DOK7: variants seen among roughly 807,000 people sequenced by gnomAD.
DOK7 encodes the protein protein Dok-7.
In DOK7, 32 loss-of-function variants were observed where a neutral mutation model predicts 30.7. The ratio of observed to expected loss-of-function variants is 1.04; its 90% CI spans 0.79 to 1.40. The LOEUF is 1.40. Ranked by LOEUF, DOK7 falls within the 40% of genes most tolerant of loss-of-function variation. The probability of loss-of-function intolerance (pLI) is 0.00; values close to 1 mark genes in which losing one functional copy is unlikely to be tolerated. For synonymous variants in DOK7, 447 were observed against 324.1 expected, an observed-to-expected ratio of 1.38 and a Z score of -4.07; for missense variants, 1,007 against 699.2, an observed-to-expected ratio of 1.44 and a Z score of -4.97.
downstream of DOK7, among the ~76,000 whole-genome samples, chr4:3,495,307 C>G (rs531806668): frequency 6.6e-6 from 1 of 150,490 alleles, no homozygotes; most frequent in African/African-American, 2.5e-5. Flanking sequence ...TGCTGGGGAG[C>G]CAGGCCCTTC....
intron 3 of DOK7, among the ~76,000 whole-genome samples, chr4:3,474,642 C>T (rs1726960336): frequency 2.0e-5 from 3 of 152,234 alleles, no homozygotes; most frequent in East Asian, 1.9e-4. Context: ...GCCAACATAG[C>T]GAAGCCCCAT....
At chr4:3,466,721 C>T (rs767684645) in intron 2 of DOK7, among the ~76,000 whole-genome samples, 11 of 152,216 alleles carry the variant, frequency 7.2e-5, no homozygotes, top group Admixed American at 1.3e-4. Flanking sequence ...TCCCCGCCTG[C>T]GTCCTCGTCT....
exon 8 of DOK7, chr4:3,501,097 A>T (rs971412666): frequency 1.4e-5 from 7 of 509,222 alleles, no homozygotes; most frequent in African/African-American, 1.2e-4. Flanking sequence ...TCCAGGCATC[A>T]GGCAGCTCTG....
At position 3,492,880 on chromosome 4, in the gene DOK7, G is replaced by C. The variant is rs1019713347; in HGVS notation, c.894G>C (p.Gly298=). The change falls in exon 7 of 7, where the codon GGG becomes GGC. Residue 298 remains glycine, a synonymous_variant. Coordinates refer to ENST00000340083, the MANE Select transcript of DOK7 (RefSeq NM_173660.5). The part of the protein sequence containing the change: ...SSSSASTSQE[G]PRPAAAQAAG... ...CGTCAGCCAGCACGTCACAGGAGGG[G>C]CCTAGACCAGCAGCTGCCCAGGCCG... is the stretch of plus-strand genomic sequence containing the variant. 1 of 1,600,686 alleles carries C rather than the reference G, an allele frequency of 6.2e-7. No individual in the cohort carries two copies. The highest frequency in any genetic ancestry group is 8.5e-7 in the Non-Finnish European group (1 of 1,175,382).
intron 5 of DOK7, among the ~76,000 whole-genome samples, chr4:3,487,992 C>A (rs561783182): frequency 6.6e-6 from 1 of 152,366 alleles, no homozygotes; most frequent in East Asian, 1.9e-4. Context: ...AGCTGCTAAG[C>A]CGTGTGGCCT....
intron 3 of DOK7, among the ~76,000 whole-genome samples, chr4:3,474,643 G>A (rs554117358): frequency 1.3e-5 from 2 of 152,296 alleles, no homozygotes; most frequent in East Asian, 1.9e-4. Flanking sequence ...CCAACATAGC[G>A]AAGCCCCATC....
chr4:3,490,908 C>T (rs1224799083), intron 6 of DOK7, among the ~76,000 whole-genome samples: 13 of 132,670 alleles, frequency 9.8e-5, no homozygotes, highest in Non-Finnish European at 1.9e-4. Context: ...TCCTTCTCTC[C>T]TCTGCTCATT....
chr4:3,490,640 C>T (rs1279156312), intron 6 of DOK7, among the ~76,000 whole-genome samples: 9 of 32,552 alleles, frequency 2.8e-4, no homozygotes, highest in East Asian at 1.0e-3. Context: ...TCCGCCTGCT[C>T]GTTCATTTCC....
At chr4:3,472,696 C>T (rs1254425770) in intron 2 of DOK7, among the ~76,000 whole-genome samples, 1 of 152,230 alleles carries the variant, frequency 6.6e-6, no homozygotes, top group Non-Finnish European at 1.5e-5. Flanking sequence ...CCTGTGGTGA[C>T]AGTGACGTTG....
downstream of DOK7, among the ~76,000 whole-genome samples, chr4:3,496,207 G>A (rs181038148): frequency 2.1e-4 from 32 of 152,364 alleles, no homozygotes; most frequent in Non-Finnish European, 4.4e-5. Context: ...GGCTCCTCCA[G>A]GGACTTGGGG....
chr4:3,499,330 G>A (rs1256034670), downstream of DOK7, among the ~76,000 whole-genome samples: 1 of 152,192 alleles, frequency 6.6e-6, no homozygotes, highest in African/African-American at 2.4e-5. Flanking sequence ...CCCAGCCACT[G>A]GCTCAGGGAA....
chr4:3,466,021 A>T (rs536154541), intron 2 of DOK7, among the ~76,000 whole-genome samples: 18 of 152,164 alleles, frequency 1.2e-4, no homozygotes, highest in Non-Finnish European at 2.2e-4. Context: ...CCTGCTTCCC[A>T]CAGGGGCTGC....
At chr4:3,500,076 G>C (rs867522434) in intron 6 of DOK7, among the ~76,000 whole-genome samples, 1 of 151,784 alleles carries the variant, frequency 6.6e-6, no homozygotes, top group South Asian at 2.1e-4. Flanking sequence ...TCAGGATGGG[G>C]CAGCGCTGGG....
At chr4:3,490,112 A>ATTCATTCCTTTCTTCACCCCC (rs72349432) in intron 6 of DOK7, among the ~76,000 whole-genome samples, 5 of 42,888 alleles carry the variant, frequency 1.2e-4, no homozygotes, top group African/African-American at 4.4e-4. Context: ...CTTCACCCCC[A>ATTCATTCCTTTCTTCACCCCC]TTCATTCCTT....
At chr4:3,487,938 G>A (rs1005535295) in intron 5 of DOK7, among the ~76,000 whole-genome samples, 1 of 152,244 alleles carries the variant, frequency 6.6e-6, no homozygotes, top group Admixed American at 6.5e-5. Context: ...ACTGGTGCCT[G>A]CTGTCCTGCC....
downstream of DOK7, among the ~76,000 whole-genome samples, chr4:3,499,412 G>C (rs1729083824): frequency 6.6e-6 from 1 of 152,220 alleles, no homozygotes; most frequent in Non-Finnish European, 1.5e-5. Flanking sequence ...CTGATGACAA[G>C]AATGGGAGGA....
chr4:3,479,881 T>C (rs1359994867), intron 4 of DOK7, among the ~76,000 whole-genome samples: 1 of 152,192 alleles, frequency 6.6e-6, no homozygotes, highest in Non-Finnish European at 1.5e-5. Context: ...GGGCCTGTAG[T>C]GTGGACTCCT....
chr4:3,500,036 G>A (rs963382712), intron 6 of DOK7, among the ~76,000 whole-genome samples: 2 of 140,394 alleles, frequency 1.4e-5, no homozygotes, highest in South Asian at 5.4e-4. Flanking sequence ...GTGGGTACTT[G>A]GACCAGGAGT....
intron 6 of DOK7, 48 bp from the exon 7 acceptor site, chr4:3,492,711 C>CA: frequency 6.3e-7 from 1 of 1,591,536 alleles, no homozygotes; most frequent in South Asian, 1.1e-5. Flanking sequence ...ACGTCCTGCC[C>CA]AGACCCCTGT....
Sources: allele counts gnomAD v4.1 joint callset (sites outside exome capture counted in the v4.1 genomes callset), GRCh38; gene constraint gnomAD v4.1.1; transcripts MANE v1.5; gene names NCBI Gene and HGNC (gene_info 2026-07-23, HGNC 2026-07-21).